VMP1: variants seen among roughly 807,000 people sequenced by gnomAD.
VMP1 encodes the protein ectopic P-granules autophagy protein 3 homolog.
In VMP1, 11 loss-of-function variants were observed where a neutral mutation model predicts 56.0. The ratio of observed to expected loss-of-function variants is 0.20; its 90% CI spans 0.12 to 0.32. VMP1 has a LOEUF of 0.32. VMP1 is among the 10% of genes least tolerant of loss of function. The probability of loss-of-function intolerance (pLI) is 1.00; values close to 1 mark genes in which losing one functional copy is unlikely to be tolerated. For missense variants in VMP1, 296 were observed against 490.3 expected, an observed-to-expected ratio of 0.60 and a Z score of 3.74; for synonymous variants, 149 against 165.0, an observed-to-expected ratio of 0.90 and a Z score of 0.74.
chr17:59,766,246 G>A (rs906641230), intron 6 of VMP1, among the ~76,000 whole-genome samples: 6 of 152,040 alleles, frequency 3.9e-5, no homozygotes, highest in Non-Finnish European at 8.8e-5. Context: ...GGCCATCCCT[G>A]TAATCTCAGC....
chr17:59,762,699 G>A (rs1328352372), intron 5 of VMP1, among the ~76,000 whole-genome samples: 2 of 152,050 alleles, frequency 1.3e-5, no homozygotes, highest in Non-Finnish European at 2.9e-5. Context: ...GTGTGGTTAT[G>A]GAAAATATAT....
chr17:59,800,179 T>C (rs1277270532), intron 7 of VMP1, among the ~76,000 whole-genome samples: 1 of 152,218 alleles, frequency 6.6e-6, no homozygotes, highest in African/African-American at 2.4e-5. Flanking sequence ...TTTGAAGTTA[T>C]AACTGCATTA....
intron 10 of VMP1, among the ~76,000 whole-genome samples, chr17:59,829,014 G>T (rs1314167048): frequency 2.0e-5 from 3 of 152,190 alleles, no homozygotes; most frequent in Non-Finnish European, 2.9e-5. Context: ...TACTCAGGGG[G>T]TTGAGGCAGG....
intron 7 of VMP1, among the ~76,000 whole-genome samples, chr17:59,807,178 C>T (rs1013967821): frequency 6.6e-6 from 1 of 151,076 alleles, no homozygotes; most frequent in Non-Finnish European, 1.5e-5. Flanking sequence ...TAGATCTGTC[C>T]AGCTTCTTTT....
intron 10 of VMP1, 27 bp downstream of exon 10, chr17:59,817,800 T>A: frequency 6.5e-7 from 1 of 1,545,238 alleles, no homozygotes; most frequent in Non-Finnish European, 8.9e-7. Flanking sequence ...GGACTAATAT[T>A]AATATAATTA....
At chr17:59,726,439 G>A (rs1056752632) in intron 1 of VMP1, among the ~76,000 whole-genome samples, 11 of 151,806 alleles carry the variant, frequency 7.2e-5, no homozygotes, top group Non-Finnish European at 1.5e-4. Flanking sequence ...GATTACAGGC[G>A]CAAGCCACCA....
chr17:59,811,663 T>C lies in VMP1; in HGVS notation c.796-7T>C. The C allele has an allele frequency of 6.3e-7, 1 of 1,593,164 alleles. No individual in the cohort carries two copies. The highest frequency in any genetic ancestry group is 8.6e-7 in the Non-Finnish European group (1 of 1,163,666). ...TAATATGGAAGTCCTTCTTTTTCTCTCTATAGATTCCAAATCCTTTATTTG... is the reference window on the plus strand; with the variant it reads ...TAATATGGAAGTCCTTCTTTTTCTCCCTATAGATTCCAAATCCTTTATTTG... On this transcript the variant is annotated splice_region_variant and splice_polypyrimidine_tract_variant and intron_variant, in intron 8 of 11. Coordinates refer to ENST00000262291, the MANE Select transcript of VMP1 (RefSeq NM_030938.5).
At chr17:59,766,175 A>G (rs894387190) in intron 6 of VMP1, among the ~76,000 whole-genome samples, 1 of 152,036 alleles carries the variant, frequency 6.6e-6, no homozygotes, top group Non-Finnish European at 1.5e-5. Context: ...TCCTGGGCTC[A>G]AGTGATCCTC....
intron 7 of VMP1, among the ~76,000 whole-genome samples, chr17:59,806,030 A>C (rs1440635681): frequency 6.6e-6 from 1 of 152,158 alleles, no homozygotes; most frequent in African/African-American, 2.4e-5. Context: ...TAGTAATTAA[A>C]ATTTCATAAC....
intron 10 of VMP1, 77 bp downstream of exon 10, chr17:59,817,850 AATAGAATTTTTGAC>A: frequency 8.5e-7 from 1 of 1,182,868 alleles, no homozygotes; most frequent in Non-Finnish European, 1.2e-6. Flanking sequence ...ACTGAATTGA[AATAGAATTTTTGAC>A]ATAGTTCTTT....
intron 6 of VMP1, among the ~76,000 whole-genome samples, chr17:59,768,884 C>A (rs1052391556): frequency 6.6e-6 from 1 of 151,330 alleles, no homozygotes; most frequent in African/African-American, 2.4e-5. Context: ...TACTTGGGAG[C>A]CTGAGGCAGG....
At chr17:59,724,333 G>GT in intron 1 of VMP1, among the ~76,000 whole-genome samples, 1 of 152,196 alleles carries the variant, frequency 6.6e-6, no homozygotes, top group Non-Finnish European at 1.5e-5. Flanking sequence ...AGTTGTCAAA[G>GT]TAAAAAAAAA....
chr17:59,731,294 G>A (rs1339214636), intron 1 of VMP1, 127 bp from the exon 2 acceptor site: 2 of 487,214 alleles, frequency 4.1e-6, no homozygotes, highest in East Asian at 4.2e-5. Flanking sequence ...AAGAAAAAAA[G>A]TGTAAACACA....
chr17:59,808,866 C>A lies in VMP1; in HGVS notation c.785C>A (p.Ala262Asp), dbSNP rs2037941439. Residue 262 changes from alanine (A) to aspartate (D), a missense_variant, in exon 8 of 12, where the codon GCC becomes GAC. This residue lies in a region of VMP1 where 6 missense variants were observed against 44.4 expected (regional missense o/e 0.14). Transcript: ENST00000262291. ...VQKVGFFGIL[A>D]CASIPNPLFD... is the part of the protein sequence containing the mutation. Reference sequence around the variant, plus strand: ...AAAGTTGGATTTTTTGGAATTTTGGCCTGTGCTTCAGTAAGTGAATTGTAT... The same window carrying A: ...AAAGTTGGATTTTTTGGAATTTTGGACTGTGCTTCAGTAAGTGAATTGTAT... The A allele has an allele frequency of 6.2e-7, 1 of 1,613,702 alleles. No individual in the cohort carries two copies. Among genetic ancestry groups the A allele is most frequent in the African/African-American group, 1.3e-5 (1 of 74,892 alleles).
intron 10 of VMP1, among the ~76,000 whole-genome samples, chr17:59,835,565 A>C (rs932769953): frequency 1.7e-4 from 25 of 149,510 alleles, no homozygotes; most frequent in Non-Finnish European, 2.7e-4. Context: ...ATCTCGGCTC[A>C]CTGCAACCTC....
intron 7 of VMP1, among the ~76,000 whole-genome samples, chr17:59,792,545 T>C (rs1013156093): frequency 6.6e-6 from 1 of 152,122 alleles, no homozygotes; most frequent in African/African-American, 2.4e-5. Flanking sequence ...TCTACTGATT[T>C]TTTTTATTTC....
At chr17:59,734,930 CAG>C (rs1326854295) in intron 2 of VMP1, among the ~76,000 whole-genome samples, 7 of 84,356 alleles carry the variant, frequency 8.3e-5, no homozygotes, top group African/African-American at 2.3e-4. Flanking sequence ...TTTTTTGAGA[CAG>C]AGTCTCTTTC....
chr17:59,755,414 A>G (rs922573213), intron 5 of VMP1, among the ~76,000 whole-genome samples: 1 of 152,010 alleles, frequency 6.6e-6, no homozygotes, highest in Admixed American at 6.6e-5. Flanking sequence ...CTGGCCAAAC[A>G]TGCCTTTTAA....
chr17:59,738,683 A>G (rs2035102459), intron 4 of VMP1, among the ~76,000 whole-genome samples, 154 bp from the exon 5 acceptor site: 1 of 152,168 alleles, frequency 6.6e-6, no homozygotes, highest in East Asian at 1.9e-4. Context: ...GCCATTGTGT[A>G]TTAAAGAAAT....
Sources: allele counts gnomAD v4.1 joint callset (sites outside exome capture counted in the v4.1 genomes callset), GRCh38; gene constraint gnomAD v4.1.1; regional missense constraint gnomAD v4.1.1; transcripts MANE v1.5; gene names NCBI Gene and HGNC (gene_info 2026-07-23, HGNC 2026-07-21).